Variants in SEM1 observed in about 807,000 individuals in gnomAD.
The protein encoded by SEM1 is 26S proteasome complex subunit SEM1.
SEM1 carries 3 observed loss-of-function variants against 12.7 expected under a neutral mutation model. The observed-to-expected ratio is 0.24, with a 90% CI of 0.11 to 0.61. The LOEUF is 0.61. Ranked by LOEUF, SEM1 falls within the 20% of genes least tolerant of loss-of-function variation. The pLI is 0.88. For missense variants in SEM1, 59 were observed against 81.3 expected (o/e 0.73, Z 1.06); for synonymous variants, 30 against 27.8 (o/e 1.08, Z -0.25).
chr7:96,626,320 C>T (rs550792445), intron 2 of SEM1, among the ~76,000 whole-genome samples: 1 of 152,234 alleles, frequency 6.6e-6, no homozygotes, highest in African/African-American at 2.4e-5. Flanking sequence ...ATAATGACCT[C>T]CAGTTCCATC....
chr7:96,594,050 C>T (rs978879421), intron 2 of SEM1, among the ~76,000 whole-genome samples: 17 of 151,954 alleles, frequency 1.1e-4, no homozygotes, highest in African/African-American at 2.2e-4. Flanking sequence ...ATGTTGCATG[C>T]GTCCATTATG....
At chr7:96,629,425 T>C (rs1808177199) in intron 2 of SEM1, among the ~76,000 whole-genome samples, 2 of 151,914 alleles carry the variant, frequency 1.3e-5, no homozygotes, top group South Asian at 4.1e-4. Flanking sequence ...AATTCTCCTA[T>C]TAAAAGACTC....
At chr7:96,615,779 A>G (rs1018926130) in intron 2 of SEM1, among the ~76,000 whole-genome samples, 2 of 152,108 alleles carry the variant, frequency 1.3e-5, no homozygotes, top group Non-Finnish European at 2.9e-5. Flanking sequence ...CCAGGTGTCT[A>G]TTACTCCATG....
chr7:96,503,946 A>G (rs1375029838), intron 3 of SEM1, among the ~76,000 whole-genome samples: 1 of 152,098 alleles, frequency 6.6e-6, no homozygotes, highest in Non-Finnish European at 1.5e-5. Context: ...CAGTGCTCAC[A>G]GCTGCTCACT....
intron 2 of SEM1, among the ~76,000 whole-genome samples, chr7:96,661,713 C>T (rs1474565439): frequency 2.0e-5 from 3 of 152,130 alleles, no homozygotes; most frequent in Non-Finnish European, 2.9e-5. Flanking sequence ...GGGGGCCGGG[C>T]GTGGTGCCTC....
At chr7:96,703,972 A>AACAC (rs67174798) in intron 1 of SEM1, among the ~76,000 whole-genome samples, 37,180 of 141,896 alleles carry the variant, frequency 0.26, 5,039 homozygotes, top group East Asian at 0.47. Flanking sequence ...GTCTCTTAAA[A>AACAC]ACACACACAC....
chr7:96,613,185 G>A (rs764278936), intron 2 of SEM1, among the ~76,000 whole-genome samples: 7 of 152,072 alleles, frequency 4.6e-5, no homozygotes, highest in Non-Finnish European at 1.0e-4. Flanking sequence ...ATATATTGTA[G>A]ATAACTGATA....
At chr7:96,579,930 T>G (rs1429061468) in intron 2 of SEM1, among the ~76,000 whole-genome samples, 1 of 139,800 alleles carries the variant, frequency 7.2e-6, no homozygotes, top group African/African-American at 2.6e-5. Flanking sequence ...TTTAAAAAAT[T>G]TAAAACCTAT....
chr7:96,516,025 T>A (rs1357756733), intron 2 of SEM1, among the ~76,000 whole-genome samples: 2 of 151,684 alleles, frequency 1.3e-5, no homozygotes, highest in African/African-American at 4.8e-5. Context: ...TAAAGTATAA[T>A]AATACAAAAA....
chr7:96,645,301 A>C, intron 2 of SEM1: 1 of 153,066 alleles, frequency 6.5e-6, no homozygotes. Context: ...CTGGCAGGGA[A>C]GAGGGATGGG....
At chr7:96,703,993 A>ACG (rs1201895008) in intron 1 of SEM1, among the ~76,000 whole-genome samples, 1 of 146,082 alleles carries the variant, frequency 6.8e-6, no homozygotes, top group Non-Finnish European at 1.6e-5. Context: ...ACACACACAC[A>ACG]CACACACACA....
At chr7:96,652,172 TGCACAC>T (rs1410530344) in intron 2 of SEM1, among the ~76,000 whole-genome samples, 2 of 152,226 alleles carry the variant, frequency 1.3e-5, no homozygotes, top group African/African-American at 2.4e-5. Context: ...TAAAATTAAA[TGCACAC>T]TCAAGTCAAG....
intron 2 of SEM1, chr7:96,664,065 T>C (rs1789093875): frequency 6.6e-6 from 1 of 152,202 alleles, no homozygotes; most frequent in South Asian, 2.1e-4. Flanking sequence ...CAGTGTGTCA[T>C]TAGCTCACAA....
intron 2 of SEM1, among the ~76,000 whole-genome samples, chr7:96,550,884 G>T (rs1192358090): frequency 6.6e-6 from 1 of 152,134 alleles, no homozygotes; most frequent in Non-Finnish European, 1.5e-5. Context: ...TTAGGATATT[G>T]TCTACAAAAT....
chr7:96,520,644 A>G (rs1804239162), intron 2 of SEM1, among the ~76,000 whole-genome samples: 1 of 152,138 alleles, frequency 6.6e-6, no homozygotes, highest in Admixed American at 6.5e-5. Context: ...GTTTCGGAAG[A>G]AAATCTAGCA....
chr7:96,624,732 C>A (rs1584813561), intron 2 of SEM1, among the ~76,000 whole-genome samples: 1 of 152,082 alleles, frequency 6.6e-6, no homozygotes, highest in South Asian at 2.1e-4. Flanking sequence ...ACAGGGGATT[C>A]CCAGTTTGTG....
chr7:96,682,978 G>C (rs913378367), intron 2 of SEM1, among the ~76,000 whole-genome samples: 1 of 152,078 alleles, frequency 6.6e-6, no homozygotes, highest in Non-Finnish European at 1.5e-5. Flanking sequence ...CTGGTCATTA[G>C]AGAAATGCAA....
At chr7:96,613,971 A>T (rs745322940) in intron 2 of SEM1, among the ~76,000 whole-genome samples, 1 of 152,222 alleles carries the variant, frequency 6.6e-6, no homozygotes, top group Admixed American at 6.5e-5. Context: ...CATAGTTTCT[A>T]TATCTTGGCT....
chr7:96,562,832 T>C (rs1324495894), intron 2 of SEM1, among the ~76,000 whole-genome samples: 1 of 152,132 alleles, frequency 6.6e-6, no homozygotes, highest in Non-Finnish European at 1.5e-5. Context: ...GTGGCTCTGT[T>C]GTTTTATTTA....
Sources: allele counts gnomAD v4.1 joint callset (sites outside exome capture counted in the v4.1 genomes callset), GRCh38; gene constraint gnomAD v4.1.1; transcripts MANE v1.5; gene names NCBI Gene and HGNC (gene_info 2026-07-23, HGNC 2026-07-21).